SCN2A: variants seen among roughly 807,000 people sequenced by gnomAD.
SCN2A encodes sodium voltage-gated channel alpha subunit 2, also known as sodium channel protein type 2 subunit alpha.
Under a neutral mutation model 188.7 loss-of-function variants are expected in SCN2A, and 20 were observed. That is an observed-to-expected ratio of 0.11 (90% CI 0.07 to 0.15). The LOEUF (loss-of-function observed/expected upper bound fraction) is 0.15, where lower values mean the gene tolerates loss of function less well. Among genes scored for constraint, SCN2A ranks in the 10% least tolerant of loss-of-function variants. The pLI is 1.00. For synonymous variants in SCN2A, 804 were observed against 833.1 expected, an observed-to-expected ratio of 0.97 and a Z score of 0.60; for missense variants, 1,278 against 2,445.0, an observed-to-expected ratio of 0.52 and a Z score of 10.07.
At chr2:165,317,078 T>C (rs906396587) in intron 11 of SCN2A, among the ~76,000 whole-genome samples, 2 of 152,170 alleles carry the variant, frequency 1.3e-5, no homozygotes, top group African/African-American at 4.8e-5. Context: ...TTTTATAATA[T>C]AGACAAGCTC....
At position 165,281,252 on chromosome 2, in the gene SCN2A, A is replaced by T. The variant is rs190850076; in HGVS notation, c.-51-14521A>T. 5.3e-3 allele frequency among the ~76,000 whole-genome samples: 813 copies of T among 152,136 alleles called. 15 individuals are homozygous for T. Among genetic ancestry groups the T allele is most frequent in the African/African-American group, 0.019 (775 of 41,484 alleles). ...TATTTTATTAGGGGAAGTTGAAGTT[A>T]TAGAGGGAAATAAGGAAGGAGATGT... On this transcript the variant is annotated intron_variant, in intron 1 of 26. Coordinates refer to ENST00000375437, the MANE Select transcript of SCN2A (RefSeq NM_001040142.2).
rs989868103 is a variant in SCN2A, at chr2:165,373,212, T to C, written c.3850-13T>C. 2 of 1,612,810 alleles carry C rather than the reference T, an allele frequency of 1.2e-6. No individual in the cohort carries two copies. The highest frequency in any genetic ancestry group is 8.5e-7 in the Non-Finnish European group (1 of 1,178,940). ...TATGTAAATAAGAAAATTGTGTTGC[T>C]TTTTCTGTATAGGTCTCACTGGTTA... On this transcript the variant is annotated splice_polypyrimidine_tract_variant and intron_variant, in intron 20 of 26. Coordinates refer to ENST00000375437, the MANE Select transcript of SCN2A (RefSeq NM_001040142.2).
chr2:165,389,278 C>T lies in SCN2A; in HGVS notation c.5472C>T (p.Ala1824=). ...EFAKLSDFAD[A]LDPPLLIAKP... ...CCAAACTTTCTGATTTTGCAGATGC[C>T]CTGGATCCTCCTCTTCTCATAGCAA... Residue 1824 remains alanine (A), a synonymous_variant, in exon 27 of 27, where the codon GCC becomes GCT. Transcript: ENST00000375437. The surrounding 1 kb of genome is among the most constrained non-coding windows in gnomAD (Gnocchi z 4.2). 6.2e-7 allele frequency: 1 copy of T among 1,613,962 alleles called. No homozygotes were observed.
intron 1 of SCN2A, among the ~76,000 whole-genome samples, chr2:165,293,404 A>G (rs560808708): frequency 3.1e-4 from 47 of 152,270 alleles, no homozygotes; most frequent in Admixed American, 6.5e-4. Flanking sequence ...TAAAACCTAG[A>G]TGGTAGAGCC....
intron 14 of SCN2A, among the ~76,000 whole-genome samples, chr2:165,336,501 C>T (rs1321642007): frequency 6.6e-6 from 1 of 151,800 alleles, no homozygotes; most frequent in African/African-American, 2.4e-5. Context: ...TATCATATTG[C>T]TACATTTATA....
At chr2:165,244,000 G>A (rs1285283618) in intron 1 of SCN2A, among the ~76,000 whole-genome samples, 2 of 152,084 alleles carry the variant, frequency 1.3e-5, no homozygotes, top group African/African-American at 4.8e-5. Flanking sequence ...AATCCACTTC[G>A]GGAGGTCGAG....
chr2:165,375,474 A>T (rs994886909), intron 22 of SCN2A, among the ~76,000 whole-genome samples: 1 of 151,922 alleles, frequency 6.6e-6, no homozygotes, highest in Non-Finnish European at 1.5e-5. Flanking sequence ...GTATATATCT[A>T]TACACATATA....
intron 16 of SCN2A, among the ~76,000 whole-genome samples, chr2:165,352,252 T>A (rs61009299): frequency 0.14 from 20,978 of 151,990 alleles, 1,495 homozygotes; most frequent in Non-Finnish European, 0.15. Flanking sequence ...ATTGGTAAAT[T>A]CCAGAGGCAA....
Position 165,331,209 on chromosome 2 carries a change from C to T in SCN2A, c.2150-121C>T, listed in dbSNP as rs1375134665. On this transcript the variant is annotated intron_variant, in intron 13 of 26. Coordinates refer to ENST00000375437, the MANE Select transcript of SCN2A (RefSeq NM_001040142.2). ...TGTAAAATTTTCCCTGTTCCTCCAG[C>T]AGATTAACCCATAATATCTTTTAAC... 1.8e-5 allele frequency: 14 copies of T among 799,236 alleles called. No homozygotes were observed. In the East Asian group the frequency reaches 3.2e-4, roughly 18 times the overall value. The allele number at this position is 799,236 out of a possible 1,614,324, so 49.5% of individuals were successfully genotyped here.
chr2:165,328,388 C>T (rs1380910925), intron 13 of SCN2A: 1 of 692,404 alleles, frequency 1.4e-6, no homozygotes, highest in Non-Finnish European at 1.8e-6. Context: ...TAGCTTGCTC[C>T]TCCCTGTCCC....
chr2:165,258,623 C>T (rs1218107671), intron 1 of SCN2A, among the ~76,000 whole-genome samples: 2 of 152,212 alleles, frequency 1.3e-5, no homozygotes, highest in African/African-American at 4.8e-5. Context: ...ACCATAAAGA[C>T]ACATGCACAC....
chr2:165,342,661 T>C (rs1280673816), intron 15 of SCN2A, among the ~76,000 whole-genome samples, 192 bp downstream of exon 15: 1 of 152,208 alleles, frequency 6.6e-6, no homozygotes, highest in Non-Finnish European at 1.5e-5. Flanking sequence ...CTTAAATGAA[T>C]AGTCTACACT....
chr2:165,294,215 C>A, intron 1 of SCN2A: 1 of 623,834 alleles, frequency 1.6e-6, no homozygotes, highest in Non-Finnish European at 2.0e-6. Flanking sequence ...TTGGGGAAAT[C>A]TGCAGAGGGA....
At chr2:165,368,599 C>T (rs941896645) in intron 19 of SCN2A, among the ~76,000 whole-genome samples, 8 of 152,168 alleles carry the variant, frequency 5.3e-5, no homozygotes, top group Admixed American at 3.9e-4. Context: ...AAGAAGTAGA[C>T]TCACTTAATT....
chr2:165,283,542 C>T (rs1695679548), intron 1 of SCN2A, among the ~76,000 whole-genome samples: 1 of 152,170 alleles, frequency 6.6e-6, no homozygotes, highest in Non-Finnish European at 1.5e-5. Context: ...ACAACTTCCG[C>T]TTTCTGGCAG....
At chr2:165,293,708 C>A (rs1347733216) in intron 1 of SCN2A, 3 of 391,344 alleles carry the variant, frequency 7.7e-6, no homozygotes, top group Non-Finnish European at 1.0e-5. Flanking sequence ...TCTGACATAG[C>A]AAATAAAAAG....
intron 1 of SCN2A, among the ~76,000 whole-genome samples, chr2:165,262,836 G>A (rs1404052112): frequency 1.3e-5 from 2 of 151,956 alleles, no homozygotes; most frequent in Non-Finnish European, 2.9e-5. Flanking sequence ...ATTGTTTTCA[G>A]TAATGGTTGT....
intron 18 of SCN2A, among the ~76,000 whole-genome samples, chr2:165,366,063 T>TA (rs1700710931): frequency 6.6e-6 from 1 of 152,184 alleles, no homozygotes; most frequent in Admixed American, 6.5e-5. Context: ...TCTCTATTCT[T>TA]ACAGCTTCAT....
rs777531448 is a variant in SCN2A, at chr2:165,347,081, C to G, written c.2919+2170C>G. ...CAGAAATACCATTTGACCCAGGAAT[C>G]CCATAACTGGGTATATACCCAAAGG... On this transcript the variant is annotated intron_variant, in intron 16 of 26. Coordinates refer to ENST00000375437, the MANE Select transcript of SCN2A (RefSeq NM_001040142.2). 6.6e-5 allele frequency among the ~76,000 whole-genome samples: 10 copies of G among 152,254 alleles called. No homozygotes were observed. In the Middle Eastern group the frequency reaches 0.024, roughly 363 times the overall value.
Sources: gnomAD v4.1 joint callset for allele counts (sites outside exome capture counted in the v4.1 genomes callset) on GRCh38, gnomAD v4.1.1 for gene constraint, Gnocchi (gnomAD v3.1) non-coding constraint, MANE v1.5 for transcripts, NCBI Gene and HGNC (gene_info 2026-07-23, HGNC 2026-07-21) for gene names.